SYNDIG1: variants seen among roughly 807,000 people sequenced by gnomAD.
SYNDIG1 encodes synapse differentiation-inducing gene protein 1.
A neutral mutation model predicts 19.4 loss-of-function variants in SYNDIG1; 9 were observed. The observed-to-expected ratio is 0.46, with a 90% CI of 0.28 to 0.81. The LOEUF is 0.81. Ranked by LOEUF, SYNDIG1 falls within the 30% of genes least tolerant of loss-of-function variation. The pLI, the probability that SYNDIG1 is intolerant of heterozygous loss-of-function variation, is 0.12. For synonymous variants in SYNDIG1, 141 were observed against 145.9 expected (o/e 0.97, Z 0.24); for missense variants, 311 against 343.3 (o/e 0.91, Z 0.74).
chr20:24,639,596 G>A (rs1313419051), intron 3 of SYNDIG1, among the ~76,000 whole-genome samples: 2 of 152,228 alleles, frequency 1.3e-5, no homozygotes, highest in Non-Finnish European at 2.9e-5. Context: ...TCGGCGTGAT[G>A]TTGACCAGGA....
intron 2 of SYNDIG1, among the ~76,000 whole-genome samples, chr20:24,543,922 C>T (rs184961007): frequency 6.6e-6 from 1 of 152,250 alleles, no homozygotes; most frequent in East Asian, 1.9e-4. Context: ...GAGAGGGACA[C>T]CTGATCCTAG....
At chr20:24,586,200 C>T (rs1381889633) in intron 3 of SYNDIG1, among the ~76,000 whole-genome samples, 2 of 152,156 alleles carry the variant, frequency 1.3e-5, no homozygotes, top group Non-Finnish European at 2.9e-5. Context: ...AGTTGGGAAG[C>T]TTTTGCAGGC....
At chr20:24,599,580 C>T (rs554546041) in intron 3 of SYNDIG1, among the ~76,000 whole-genome samples, 2 of 152,282 alleles carry the variant, frequency 1.3e-5, no homozygotes, top group South Asian at 2.1e-4. Context: ...ATGGAATCAA[C>T]CGAAGTGCCA....
intron 3 of SYNDIG1, among the ~76,000 whole-genome samples, chr20:24,663,743 G>C (rs561787621): frequency 1.3e-5 from 2 of 152,362 alleles, no homozygotes; most frequent in East Asian, 3.9e-4. Flanking sequence ...TGCCCAGTCA[G>C]CTGTAGCAGC....
chr20:24,543,346 G>A lies in SYNDIG1; in HGVS notation c.249G>A (p.Val83=). ...ACCCCAACACCCTGCAGCAGTCAGT[G>A]GAGTCCCGCTACCGGCCCAACATCA... ...LLDPNTLQQS[V]ESRYRPNIIL... is the part of the protein sequence containing the mutation. The change falls in exon 2 of 4, where the codon GTG becomes GTA. Residue 83 remains valine (V), a synonymous_variant. Transcript: ENST00000376862. 6.2e-7 allele frequency: 1 copy of A among 1,613,578 alleles called. No individual in the cohort carries two copies. Among genetic ancestry groups the A allele is most frequent in the African/African-American group, 1.3e-5 (1 of 75,052 alleles).
At chr20:24,620,890 G>A (rs1274027406) in intron 3 of SYNDIG1, among the ~76,000 whole-genome samples, 1 of 152,190 alleles carries the variant, frequency 6.6e-6, no homozygotes, top group Non-Finnish European at 1.5e-5. Context: ...CCTTCTGTCA[G>A]TTCTTATAAG....
intron 2 of SYNDIG1, among the ~76,000 whole-genome samples, chr20:24,570,073 T>C (rs2058116087): frequency 2.0e-5 from 3 of 152,244 alleles, no homozygotes. Context: ...TATTTTATAA[T>C]GTTATAGAGT....
chr20:24,561,751 C>T (rs1338701892), intron 2 of SYNDIG1, among the ~76,000 whole-genome samples: 1 of 151,950 alleles, frequency 6.6e-6, no homozygotes, highest in African/African-American at 2.4e-5. Flanking sequence ...GAAGCCGTGC[C>T]AGGATACTAT....
At position 24,665,669 on chromosome 20, in the gene SYNDIG1, A is replaced by G. The variant is rs148197751; in HGVS notation, c.*165A>G. On this transcript the variant is annotated 3_prime_UTR_variant, in exon 4 of 4. Coordinates refer to ENST00000376862, the MANE Select transcript of SYNDIG1 (RefSeq NM_024893.3). ...TATTTTGTTTTTATCCTTTAATTTC[A>G]TGTTCACAGCACTGTGTAGAGCACC... 4.7e-5 allele frequency: 43 copies of G among 924,376 alleles called. No individual in the cohort carries two copies. The African/African-American group carries it at 5.3e-4, about 11-fold the overall frequency. The allele number at this position is 924,376 out of a possible 1,614,324, so 57.3% of individuals were successfully genotyped here. A position where few individuals can be genotyped will look rare whatever the true frequency, so the allele number is the denominator to read the frequency against.
intron 2 of SYNDIG1, among the ~76,000 whole-genome samples, chr20:24,582,718 ATC>A (rs1303254291): frequency 6.6e-6 from 1 of 151,960 alleles, no homozygotes; most frequent in Non-Finnish European, 1.5e-5. Context: ...CAATTTTCAT[ATC>A]TCCTTACTGT....
chr20:24,540,462 GT>G (rs1187072306), intron 1 of SYNDIG1, among the ~76,000 whole-genome samples: 1 of 152,138 alleles, frequency 6.6e-6, no homozygotes, highest in Non-Finnish European at 1.5e-5. Context: ...TGTTCTTGAT[GT>G]TACAGGTGCT....
chr20:24,662,839 A>G (rs185580564), intron 3 of SYNDIG1, among the ~76,000 whole-genome samples: 32 of 152,300 alleles, frequency 2.1e-4, no homozygotes, highest in Non-Finnish European at 2.8e-4. Flanking sequence ...ATCTTGACAA[A>G]CTTTTTTGCA....
At chr20:24,595,967 C>G (rs2058588451) in intron 3 of SYNDIG1, among the ~76,000 whole-genome samples, 1 of 152,292 alleles carries the variant, frequency 6.6e-6, no homozygotes, top group South Asian at 2.1e-4. Context: ...CAGTTCACCT[C>G]TGATTCTGGT....
chr20:24,652,335 C>A (rs1438708104), intron 3 of SYNDIG1, among the ~76,000 whole-genome samples: 1 of 152,176 alleles, frequency 6.6e-6, no homozygotes, highest in Non-Finnish European at 1.5e-5. Flanking sequence ...CTGGAACCTC[C>A]TAATTTTGTT....
intron 3 of SYNDIG1, among the ~76,000 whole-genome samples, chr20:24,626,456 G>A (rs554438001): frequency 2.0e-4 from 31 of 151,496 alleles, no homozygotes; most frequent in Middle Eastern, 3.4e-3. Flanking sequence ...GGGCAGAGGC[G>A]CTCCCCACAT....
At chr20:24,603,623 G>A (rs969828457) in intron 3 of SYNDIG1, among the ~76,000 whole-genome samples, 1 of 152,194 alleles carries the variant, frequency 6.6e-6, no homozygotes, top group Non-Finnish European at 1.5e-5. Flanking sequence ...GAAGCCCTGA[G>A]TGCAAAGCAG....
chr20:24,478,935 C>A (rs1388500718), intron 1 of SYNDIG1, among the ~76,000 whole-genome samples: 1 of 152,230 alleles, frequency 6.6e-6, no homozygotes, highest in African/African-American at 2.4e-5. Context: ...GACTGTCAGA[C>A]CTCGTGGGCA....
chr20:24,552,708 A>G (rs1323894875), intron 2 of SYNDIG1, among the ~76,000 whole-genome samples: 1 of 152,136 alleles, frequency 6.6e-6, no homozygotes, highest in Admixed American at 6.5e-5. Flanking sequence ...CCAGTCTATC[A>G]TTGTTGGACA....
intron 3 of SYNDIG1, among the ~76,000 whole-genome samples, chr20:24,605,620 A>T (rs1414786050): frequency 1.3e-5 from 2 of 152,164 alleles, no homozygotes; most frequent in Non-Finnish European, 2.9e-5. Flanking sequence ...TTAGTTACTG[A>T]TTTTAACTTG....
Sources: gnomAD v4.1 joint callset for allele counts (sites outside exome capture counted in the v4.1 genomes callset) on GRCh38, gnomAD v4.1.1 for gene constraint, MANE v1.5 for transcripts, NCBI Gene and HGNC (gene_info 2026-07-23, HGNC 2026-07-21) for gene names.